Variants in AK5 observed in about 807,000 individuals in gnomAD.
AK5 encodes the protein adenylate kinase 5.
Under a neutral mutation model 69.5 loss-of-function variants are expected in AK5, and 27 were observed. The observed-to-expected ratio is 0.39, with a 90% CI of 0.29 to 0.54. The LOEUF is 0.54. Ranked by LOEUF, AK5 falls within the 20% of genes least tolerant of loss-of-function variation. AK5 has a pLI of 0.71. For missense variants in AK5, 531 were observed against 700.4 expected (o/e 0.76, Z 2.73); for synonymous variants, 260 against 244.4 (o/e 1.06, Z -0.60).
intron 12 of AK5, among the ~76,000 whole-genome samples, chr1:77,531,054 T>TAA (rs1248163767): frequency 6.6e-6 from 1 of 152,092 alleles, no homozygotes; most frequent in Non-Finnish European, 1.5e-5. Context: ...CTCACTGACT[T>TAA]AAAGAATGAA....
intron 6 of AK5, among the ~76,000 whole-genome samples, chr1:77,344,120 A>G (rs1046617394): frequency 2.6e-5 from 4 of 152,194 alleles, no homozygotes; most frequent in Non-Finnish European, 5.9e-5. Context: ...ATCTGTTGGC[A>G]TATTTGACTA....
At chr1:77,481,105 G>A (rs1427783542) in intron 8 of AK5, among the ~76,000 whole-genome samples, 2 of 152,202 alleles carry the variant, frequency 1.3e-5, no homozygotes, top group Middle Eastern at 3.2e-3. Flanking sequence ...CTGGGTGCCT[G>A]GCCAGGTGAG....
At chr1:77,513,135 C>T (rs952914422) in intron 10 of AK5, among the ~76,000 whole-genome samples, 1 of 152,216 alleles carries the variant, frequency 6.6e-6, no homozygotes, top group Admixed American at 6.5e-5. Context: ...CCACTTCCAC[C>T]CCTGTGCAGA....
rs1175090078 is a variant in AK5 at position 77,282,334 on chromosome 1, G to A, written c.21G>A (p.Lys7=). ...CAGCCATGAACACCAACGATGCCAA[G>A]GAGTATCTGGCCCGGAGGGAAATCC... MNTNDA[K]EYLARREIPQ... Residue 7 remains lysine (K), a synonymous_variant, in exon 1 of 14, where the codon AAG becomes AAA. Transcript: ENST00000354567. 3 of 1,563,630 alleles carry A rather than the reference G, an allele frequency of 1.9e-6. No individual in the cohort carries two copies. In the South Asian group the frequency reaches 3.6e-5, roughly 19 times the overall value.
chr1:77,506,156 G>A (rs1009681766), intron 10 of AK5, among the ~76,000 whole-genome samples: 1 of 152,138 alleles, frequency 6.6e-6, no homozygotes, highest in African/African-American at 2.4e-5. Context: ...AAATGTGCTT[G>A]ATGAGCTGGG....
intron 5 of AK5, among the ~76,000 whole-genome samples, chr1:77,327,389 T>A (rs1570385618): frequency 2.5e-5 from 1 of 39,566 alleles, no homozygotes; most frequent in Non-Finnish European, 5.3e-5. Flanking sequence ...AGATCCTGTC[T>A]CAAAAAAAAA....
chr1:77,533,924 G>C (rs1300144923), intron 12 of AK5, among the ~76,000 whole-genome samples: 2 of 151,742 alleles, frequency 1.3e-5, no homozygotes, highest in African/African-American at 4.8e-5. Context: ...CCCTCACCCA[G>C]CCTTTCTTGC....
intron 10 of AK5, among the ~76,000 whole-genome samples, chr1:77,514,611 G>A (rs770558222): frequency 7.3e-5 from 11 of 151,654 alleles, no homozygotes; most frequent in Admixed American, 3.3e-4. Flanking sequence ...CAGTGCCTGC[G>A]CCATTTGGCC....
chr1:77,528,482 G>A (rs1041655513), intron 12 of AK5, among the ~76,000 whole-genome samples: 1 of 152,112 alleles, frequency 6.6e-6, no homozygotes, highest in African/African-American at 2.4e-5. Context: ...GAGATACAAG[G>A]TCCTTTGAGG....
At chr1:77,315,756 C>G (rs988885288) in intron 5 of AK5, among the ~76,000 whole-genome samples, 1 of 152,084 alleles carries the variant, frequency 6.6e-6, no homozygotes, top group Non-Finnish European at 1.5e-5. Context: ...ACTGGTGAAG[C>G]TTAATTTATT....
chr1:77,333,568 G>A (rs1299082915), intron 5 of AK5, among the ~76,000 whole-genome samples: 6 of 141,958 alleles, frequency 4.2e-5, no homozygotes, highest in African/African-American at 1.3e-4. Flanking sequence ...CTAGTTGATT[G>A]TATCTTATGT....
At chr1:77,325,617 G>A (rs1044469505) in intron 5 of AK5, among the ~76,000 whole-genome samples, 2 of 152,102 alleles carry the variant, frequency 1.3e-5, no homozygotes, top group East Asian at 3.9e-4. Flanking sequence ...ACCCTGTGCT[G>A]GTCTCCATTT....
intron 6 of AK5, among the ~76,000 whole-genome samples, chr1:77,346,952 G>C (rs577440196): frequency 6.6e-6 from 1 of 152,238 alleles, no homozygotes; most frequent in Middle Eastern, 3.4e-3. Flanking sequence ...ATAGGTAAGG[G>C]GTTGATGAGT....
chr1:77,421,386 G>T (rs112316810), intron 8 of AK5, among the ~76,000 whole-genome samples: 1 of 152,160 alleles, frequency 6.6e-6, no homozygotes, highest in African/African-American at 2.4e-5. Context: ...ATCCAGCTGT[G>T]TGACTCCAGA....
At chr1:77,543,157 G>C (rs1219287462) in intron 13 of AK5, among the ~76,000 whole-genome samples, 1 of 152,214 alleles carries the variant, frequency 6.6e-6, no homozygotes, top group African/African-American at 2.4e-5. Flanking sequence ...GGCAAGAAGA[G>C]TGAGAAGTTT....
chr1:77,371,894 A>T (rs1295000240), intron 6 of AK5, among the ~76,000 whole-genome samples: 9 of 152,320 alleles, frequency 5.9e-5, no homozygotes, highest in Middle Eastern at 3.4e-3. Flanking sequence ...GGAAGGAAGT[A>T]ACAGAATTAG....
At chr1:77,493,580 GTT>G (rs1319559404) in intron 10 of AK5, among the ~76,000 whole-genome samples, 1 of 151,934 alleles carries the variant, frequency 6.6e-6, no homozygotes, top group African/African-American at 2.4e-5. Context: ...TACAAAATAA[GTT>G]GCCATCTGAC....
chr1:77,283,168 C>A (rs1421777330), intron 1 of AK5: 2 of 985,532 alleles, frequency 2.0e-6, no homozygotes, highest in Non-Finnish European at 2.4e-6. Flanking sequence ...AGAGGAGGCT[C>A]GAGGAATGAA....
rs1468933394 is a variant in AK5, at chr1:77,517,260, G to T, written c.1148-1304G>T. 4.6e-5 allele frequency among the ~76,000 whole-genome samples: 7 copies of T among 152,136 alleles called. No homozygotes were observed. In the East Asian group the frequency reaches 1.3e-3, roughly 29 times the overall value. On this transcript the variant is annotated intron_variant, in intron 10 of 13. Coordinates refer to ENST00000354567, the MANE Select transcript of AK5 (RefSeq NM_174858.3). ...GGCACATCATCCTGCTAGCAAGTCT[G>T]TGGGGCTCCAAAGCCCCTCCGATTC... is the stretch of plus-strand genomic sequence containing the variant.
Sources: allele counts gnomAD v4.1 joint callset (sites outside exome capture counted in the v4.1 genomes callset), GRCh38; gene constraint gnomAD v4.1.1; transcripts MANE v1.5; gene names NCBI Gene and HGNC (gene_info 2026-07-23, HGNC 2026-07-21).